The following OTOG variants were observed in gnomAD, a reference collection of about 807,000 sequenced individuals.
OTOG encodes the protein otogelin.
In OTOG, 296 loss-of-function variants were observed where a neutral mutation model predicts 313.8. The ratio of observed to expected loss-of-function variants is 0.94; its 90% CI spans 0.86 to 1.04. The LOEUF is 1.04. OTOG is among the 50% of genes least tolerant of loss of function. The pLI, the probability that OTOG is intolerant of heterozygous loss-of-function variation, is 0.00. For missense variants in OTOG, 3,948 were observed against 3,840.1 expected (o/e 1.03, Z -0.74); for synonymous variants, 1,533 against 1,554.9 (o/e 0.99, Z 0.33).
At chr11:17,629,455 G>A (rs1433543666) in intron 40 of OTOG, 139 bp downstream of exon 40, 64 of 1,006,468 alleles carry the variant, frequency 6.4e-5, no homozygotes, top group South Asian at 5.4e-5. Context: ...TCAGGGCAGG[G>A]AGGCCTAACG....
At chr11:17,628,721 C>A (rs1204852273) in intron 39 of OTOG, among the ~76,000 whole-genome samples, 2 of 152,082 alleles carry the variant, frequency 1.3e-5, no homozygotes, top group Non-Finnish European at 2.9e-5. Flanking sequence ...GTATGTAGCC[C>A]CAAGGCTGGG....
At position 17,635,596 on chromosome 11, in the gene OTOG, C is replaced by T; in HGVS notation, c.7694-14C>T. On this transcript the variant is annotated splice_polypyrimidine_tract_variant and intron_variant, in intron 46 of 55. Transcript: ENST00000399397. ...GAGGACTGCTGTGACAGCATTGACC[C>T]TCTTCCCCCTCAGCCTGTGGTGACT... is the stretch of plus-strand genomic sequence containing the variant. 2 of 1,545,660 alleles carry T rather than the reference C, an allele frequency of 1.3e-6. No individual in the cohort carries two copies. Among genetic ancestry groups the T allele is most frequent in the Non-Finnish European group, 1.8e-6 (2 of 1,142,624 alleles).
At chr11:17,601,126 G>A (rs1310847349) in intron 31 of OTOG, among the ~76,000 whole-genome samples, 1 of 152,168 alleles carries the variant, frequency 6.6e-6, no homozygotes, top group Non-Finnish European at 1.5e-5. Context: ...TTAGCCATTT[G>A]CCAGCACAGC....
At chr11:17,616,442 T>A (rs540387080) in intron 39 of OTOG, among the ~76,000 whole-genome samples, 17 of 152,218 alleles carry the variant, frequency 1.1e-4, no homozygotes, top group Non-Finnish European at 1.9e-4. Flanking sequence ...AATTTTGAGT[T>A]GCATTCAATA....
At chr11:17,547,745 G>A (rs1394765277) in intron 1 of OTOG, among the ~76,000 whole-genome samples, 182 bp from the exon 2 acceptor site, 2 of 152,106 alleles carry the variant, frequency 1.3e-5, no homozygotes, top group Non-Finnish European at 2.9e-5. Context: ...GAGTAAACAG[G>A]GAGATCCTGG....
chr11:17,635,847 G>A, intron 47 of OTOG, 136 bp downstream of exon 47: 2 of 714,564 alleles, frequency 2.8e-6, no homozygotes, highest in South Asian at 3.4e-5. Context: ...CCGAGCAGCT[G>A]AATCCAGGAC....
chr11:17,582,106 G>A (rs1852682178), intron 23 of OTOG, among the ~76,000 whole-genome samples: 1 of 152,076 alleles, frequency 6.6e-6, no homozygotes, highest in South Asian at 2.1e-4. Flanking sequence ...TTAGTGTATG[G>A]TTTGATGAAT....
At chr11:17,594,570 G>A (rs1853043477) in intron 28 of OTOG, among the ~76,000 whole-genome samples, 1 of 152,148 alleles carries the variant, frequency 6.6e-6, no homozygotes, top group African/African-American at 2.4e-5. Context: ...AGTGGTGCTG[G>A]CACTTAAAGG....
At chr11:17,552,733 C>G (rs1035610943) in intron 4 of OTOG, among the ~76,000 whole-genome samples, 1 of 152,256 alleles carries the variant, frequency 6.6e-6, no homozygotes, top group Non-Finnish European at 1.5e-5. Flanking sequence ...GGCTTCTTCC[C>G]TGAGTGTGTG....
At chr11:17,631,398 G>GT (rs58104052) in intron 40 of OTOG, among the ~76,000 whole-genome samples, 1 of 141,412 alleles carries the variant, frequency 7.1e-6, no homozygotes, top group African/African-American at 2.8e-5. Flanking sequence ...GTGGGGGGGG[G>GT]TATACATTTT....
At chr11:17,642,830 A>G (rs1848003187) in intron 53 of OTOG, among the ~76,000 whole-genome samples, 1 of 152,120 alleles carries the variant, frequency 6.6e-6, no homozygotes, top group Admixed American at 6.5e-5. Context: ...ACAAATATAC[A>G]CAGACACTCA....
intron 47 of OTOG, among the ~76,000 whole-genome samples, chr11:17,636,019 C>G (rs953780412): frequency 2.0e-4 from 31 of 152,200 alleles, no homozygotes; most frequent in African/African-American, 7.5e-4. Flanking sequence ...ATAAGAAGTC[C>G]TCATTCCCTG....
intron 23 of OTOG, among the ~76,000 whole-genome samples, chr11:17,578,812 G>A (rs1265589206): frequency 6.6e-6 from 1 of 152,200 alleles, no homozygotes; most frequent in South Asian, 2.1e-4. Flanking sequence ...GAATCAGTGA[G>A]CTCACTCAGT....
At chr11:17,597,623 T>G (rs369000897) in intron 30 of OTOG, among the ~76,000 whole-genome samples, 3 of 152,234 alleles carry the variant, frequency 2.0e-5, no homozygotes, top group African/African-American at 7.2e-5. Flanking sequence ...TACATAGATA[T>G]GCATCCATAG....
Position 17,593,622 on chromosome 11 carries a change from T to A in OTOG, c.3154T>A (p.Phe1052Ile), listed in dbSNP as rs965965920. 62 of 1,548,842 alleles carry A rather than the reference T, an allele frequency of 4.0e-5. No individual in the cohort carries two copies. The highest frequency in any genetic ancestry group is 5.2e-5 in the Non-Finnish European group (60 of 1,146,978). ...DDSGNPSPES[F>I]LDDKQEVHTW... ...TCTGTCCCTCTAGAGTCCAGAGAGC[T>A]TCCTGGATGACAAGCAGGAGGTCCA... Residue 1052 changes from phenylalanine (F) to isoleucine (I), a missense_variant, in exon 27 of 56, where the codon TTC becomes ATC. By Grantham distance (21) the Phe-to-Ile change is conservative (BLOSUM62 0). Coordinates refer to ENST00000399397, the MANE Select transcript of OTOG (RefSeq NM_001292063.2).
At chr11:17,547,589 G>C (rs1258116208) in intron 1 of OTOG, 123 bp downstream of exon 1, 1 of 1,270,050 alleles carries the variant, frequency 7.9e-7, no homozygotes, top group Non-Finnish European at 9.9e-7. Context: ...GAGAGCAGAG[G>C]GACACCCAGG....
intron 39 of OTOG, among the ~76,000 whole-genome samples, chr11:17,614,230 T>A: frequency 6.6e-6 from 1 of 152,036 alleles, no homozygotes; most frequent in East Asian, 1.9e-4. Flanking sequence ...ATCTGTCTCC[T>A]CCTCAGGTCC....
In OTOG at chr11:17,634,198, C is replaced by T. The variant is rs962640113; in HGVS notation, c.7397C>T (p.Pro2466Leu). The T allele has an allele frequency of 2.6e-6, 4 of 1,550,436 alleles. No individual in the cohort carries two copies. The African/African-American group carries it at 5.5e-5, about 21-fold the overall frequency. Reference protein sequence around the residue: ...IVPVDLGCPSPRPESCLRFGE... With the variant: ...IVPVDLGCPSLRPESCLRFGE... ...CCGGTGGATCTGGGCTGCCCCAGTC[C>T]CCGCCCTGAGAGCTGCCTGCGATTC... Residue 2466 changes from proline (P) to leucine (L), a missense_variant, in exon 44 of 56, where the codon CCC becomes CTC. Coordinates refer to ENST00000399397, the MANE Select transcript of OTOG (RefSeq NM_001292063.2).
chr11:17,635,331 G>A (rs1854239032), intron 46 of OTOG, 144 bp downstream of exon 46: 5 of 695,974 alleles, frequency 7.2e-6, no homozygotes, highest in South Asian at 1.8e-5. Context: ...TCACTGTCCA[G>A]GAAACAGTGT....
Sources: allele counts gnomAD v4.1 joint callset (sites outside exome capture counted in the v4.1 genomes callset), GRCh38; gene constraint gnomAD v4.1.1; transcripts MANE v1.5; gene names NCBI Gene and HGNC (gene_info 2026-07-23, HGNC 2026-07-21).